PLCG2: variants seen among roughly 807,000 people sequenced by gnomAD.
PLCG2 encodes the protein phospholipase C gamma 2.
Under a neutral mutation model 175.6 loss-of-function variants are expected in PLCG2, and 69 were observed. That is an observed-to-expected ratio of 0.39 (90% CI 0.32 to 0.48). PLCG2 has a LOEUF of 0.48. Ranked by LOEUF, PLCG2 falls within the 20% of genes least tolerant of loss-of-function variation. The probability of loss-of-function intolerance (pLI) is 0.91; values close to 1 mark genes in which losing one functional copy is unlikely to be tolerated. For missense variants in PLCG2, 1,798 were observed against 1,650.9 expected (o/e 1.09, Z -1.54); for synonymous variants, 827 against 624.0 (o/e 1.33, Z -4.85).
chr16:81,864,716 G>A (rs1363842057), intron 5 of PLCG2, among the ~76,000 whole-genome samples: 2 of 152,216 alleles, frequency 1.3e-5, no homozygotes, highest in Non-Finnish European at 2.9e-5. Flanking sequence ...GCCGGGGGCA[G>A]TGGAGGTGCC....
At chr16:81,776,355 C>A (rs1041821413), upstream of PLCG2, among the ~76,000 whole-genome samples, 1 of 151,918 alleles carries the variant, frequency 6.6e-6, no homozygotes, top group African/African-American at 2.4e-5. Flanking sequence ...GTGATCCGCC[C>A]GCCTCAGCCT....
intron 2 of PLCG2, among the ~76,000 whole-genome samples, chr16:81,853,192 A>C (rs960356266): frequency 1.3e-5 from 2 of 152,126 alleles, no homozygotes; most frequent in African/African-American, 4.8e-5. Flanking sequence ...CTAGCCGGGC[A>C]TGGTGGCACA....
At chr16:81,906,652 G>C (rs1909381758) in intron 15 of PLCG2, among the ~76,000 whole-genome samples, 1 of 152,180 alleles carries the variant, frequency 6.6e-6, no homozygotes, top group Non-Finnish European at 1.5e-5. Context: ...TTGAACTCCT[G>C]ATCTCAAGTG....
At chr16:81,819,390 C>G (rs960969990) in intron 2 of PLCG2, among the ~76,000 whole-genome samples, 1 of 152,092 alleles carries the variant, frequency 6.6e-6, no homozygotes, top group Non-Finnish European at 1.5e-5. Flanking sequence ...CGAGGGAGCT[C>G]CTGCGAATCC....
intron 32 of PLCG2, among the ~76,000 whole-genome samples, chr16:81,957,209 G>A (rs1451275978): frequency 1.3e-5 from 2 of 152,130 alleles, no homozygotes; most frequent in Non-Finnish European, 2.9e-5. Context: ...TGAGGCAGGA[G>A]AATCATTTCA....
At chr16:81,911,207 G>A (rs371485019) in intron 18 of PLCG2, among the ~76,000 whole-genome samples, 94 of 152,238 alleles carry the variant, frequency 6.2e-4, no homozygotes, top group Non-Finnish European at 1.0e-3. Flanking sequence ...GTCCATTTCC[G>A]AGGAGGCCGT....
chr16:81,747,777 A>T (rs1909732825), intron 1 of PLCG2, among the ~76,000 whole-genome samples: 2 of 152,212 alleles, frequency 1.3e-5, no homozygotes, highest in African/African-American at 4.8e-5. Context: ...AGATTTGCAA[A>T]ATGCCTGGAC....
At chr16:81,934,378 G>T (rs1218002585) in intron 25 of PLCG2, 51 bp from the exon 26 acceptor site, 1 of 1,135,882 alleles carries the variant, frequency 8.8e-7, no homozygotes, top group South Asian at 1.3e-5. Context: ...GGCGAGCTGG[G>T]AAGATGGGAT....
Position 81,802,238 on chromosome 16 carries a change from C to T in PLCG2, c.193+16056C>T, listed in dbSNP as rs371422608. Among the ~76,000 whole-genome samples, 11 of 150,868 alleles carry T rather than the reference C, an allele frequency of 7.3e-5. No individual in the cohort carries two copies. In the East Asian group the frequency reaches 9.9e-4, roughly 14 times the overall value. On this transcript the variant is annotated intron_variant, in intron 2 of 32. Transcript: ENST00000564138. Reference sequence around the variant, plus strand: ...CACCATTCTCTTGCCTCAGCCTCCACAGTAGTTGGGATTACAGGCGCCCGC... The same window carrying T: ...CACCATTCTCTTGCCTCAGCCTCCATAGTAGTTGGGATTACAGGCGCCCGC...
chr16:81,867,780 C>T (rs1907315945), intron 5 of PLCG2, among the ~76,000 whole-genome samples: 1 of 152,110 alleles, frequency 6.6e-6, no homozygotes, highest in African/African-American at 2.4e-5. Context: ...TCACTGCAAG[C>T]TCCGCCTCCC....
At chr16:81,898,669 C>G (rs1006815800) in intron 13 of PLCG2, 16 of 151,982 alleles carry the variant, frequency 1.1e-4, no homozygotes, top group African/African-American at 3.9e-4. Context: ...CAGATGGATT[C>G]TTGGTGGGAA....
chr16:81,816,551 C>G (rs749796798), intron 2 of PLCG2, among the ~76,000 whole-genome samples: 12 of 150,110 alleles, frequency 8.0e-5, no homozygotes, highest in Non-Finnish European at 1.6e-4. Flanking sequence ...AATCACAGCT[C>G]AACTACTGCC....
Position 81,958,433 on chromosome 16 carries a change from C to G in PLCG2, c.*435C>G, listed in dbSNP as rs950657240. 4 of 240,740 alleles carry G rather than the reference C, an allele frequency of 1.7e-5. No individual in the cohort carries two copies. Among genetic ancestry groups the G allele is most frequent in the African/African-American group, 8.8e-5 (4 of 45,388 alleles). The allele number at this position is 240,740 out of a possible 1,614,324, so 14.9% of individuals were successfully genotyped here. On this transcript the variant is annotated 3_prime_UTR_variant, in exon 33 of 33. Transcript: ENST00000564138. The stretch of plus-strand genomic sequence containing the variant: ...AATGTAAGAAACTATTCATGAGATT[C>G]TGAAAAGGATTTTAACTCAAAGGCA...
intron 30 of PLCG2, among the ~76,000 whole-genome samples, chr16:81,940,643 C>G (rs1910902074): frequency 6.6e-6 from 1 of 152,164 alleles, no homozygotes; most frequent in Non-Finnish European, 1.5e-5. Context: ...GCAACCAAGC[C>G]AAGCTGGGTC....
At chr16:81,829,350 CT>C (rs1905169879) in intron 2 of PLCG2, among the ~76,000 whole-genome samples, 1 of 152,188 alleles carries the variant, frequency 6.6e-6, no homozygotes, top group Admixed American at 6.5e-5. Flanking sequence ...TTCAGGTGAT[CT>C]GCCCGCCTCG....
chr16:81,947,732 T>G (rs760854421), intron 31 of PLCG2, among the ~76,000 whole-genome samples: 1 of 152,208 alleles, frequency 6.6e-6, no homozygotes, highest in Non-Finnish European at 1.5e-5. Context: ...CTTTATCAAG[T>G]CGCAGTCCTT....
intron 2 of PLCG2, among the ~76,000 whole-genome samples, chr16:81,845,080 C>T (rs899289579): frequency 1.3e-5 from 2 of 152,162 alleles, no homozygotes; most frequent in Admixed American, 6.5e-5. Context: ...CAGTGTGCAC[C>T]AGCACACTTG....
chr16:81,920,663 A>C lies in PLCG2; in HGVS notation c.2236-535A>C, dbSNP rs181795415. 2.6e-5 allele frequency among the ~76,000 whole-genome samples: 4 copies of C among 152,308 alleles called. No homozygotes were observed. In the East Asian group the frequency reaches 7.7e-4, roughly 29 times the overall value. ...CAAGCCCTAAGGTGACATGAGGAAC[A>C]GAAAGAAGAGTTAGAGAGGAACAGA... On this transcript the variant is annotated intron_variant, in intron 20 of 32. Coordinates refer to ENST00000564138, the MANE Select transcript of PLCG2 (RefSeq NM_002661.5).
At chr16:81,883,861 G>A (rs1908215499) in intron 9 of PLCG2, among the ~76,000 whole-genome samples, 1 of 152,226 alleles carries the variant, frequency 6.6e-6, no homozygotes, top group Non-Finnish European at 1.5e-5. Context: ...CCCAGCTATA[G>A]ACTCAAGGGG....
Sources: allele counts gnomAD v4.1 joint callset (sites outside exome capture counted in the v4.1 genomes callset), GRCh38; gene constraint gnomAD v4.1.1; transcripts MANE v1.5; gene names NCBI Gene and HGNC (gene_info 2026-07-23, HGNC 2026-07-21).